RAD51B: variants seen among roughly 807,000 people sequenced by gnomAD.
RAD51B encodes the protein RAD51 paralog B.
A neutral mutation model predicts 42.2 loss-of-function variants in RAD51B; 38 were observed. The observed-to-expected ratio is 0.90, with a 90% CI of 0.70 to 1.18. The LOEUF (loss-of-function observed/expected upper bound fraction) is 1.18, where lower values mean the gene tolerates loss of function less well. Ranked by LOEUF, RAD51B falls within the 50% of genes most tolerant of loss-of-function variation. RAD51B has a pLI of 0.00. For synonymous variants in RAD51B, 154 were observed against 145.2 expected (o/e 1.06, Z -0.43); for missense variants, 373 against 400.7 (o/e 0.93, Z 0.59).
chr14:68,370,674 G>A (rs1286576727), intron 8 of RAD51B, among the ~76,000 whole-genome samples: 1 of 152,158 alleles, frequency 6.6e-6, no homozygotes, highest in Non-Finnish European at 1.5e-5. Context: ...GGGATGGCAA[G>A]TGGTCAGATT....
chr14:68,630,772 C>G (rs1566959776), intron 10 of RAD51B, among the ~76,000 whole-genome samples: 1 of 152,168 alleles, frequency 6.6e-6, no homozygotes, highest in African/African-American at 2.4e-5. Flanking sequence ...ATTCCAACCC[C>G]TTGAACCAAC....
rs114601930 is a variant in RAD51B, at chr14:68,213,527, A to G, written c.757-78357A>G. Reference sequence around the variant, plus strand: ...AAAATAGTATGTTAAGTCTTGAAGGAGGAAGCTTAGGTTGATAGCAAGTAA... The same window carrying G: ...AAAATAGTATGTTAAGTCTTGAAGGGGGAAGCTTAGGTTGATAGCAAGTAA... On this transcript the variant is annotated intron_variant, in intron 7 of 10. Coordinates refer to ENST00000471583, the MANE Select transcript of RAD51B (RefSeq NM_133510.4). Among the ~76,000 whole-genome samples the G allele has an allele frequency of 7.5e-3, 1,138 of 152,360 alleles. 12 individuals are homozygous for G. Among genetic ancestry groups the G allele is most frequent in the African/African-American group, 0.026 (1,077 of 41,578 alleles).
At chr14:67,874,818 A>G (rs1418208534) in intron 5 of RAD51B, among the ~76,000 whole-genome samples, 1 of 152,198 alleles carries the variant, frequency 6.6e-6, no homozygotes, top group Non-Finnish European at 1.5e-5. Flanking sequence ...GGCAACCATG[A>G]GAATTCCAGT....
At position 68,484,349 on chromosome 14, in the gene RAD51B, C is replaced by CTTTCTT. The variant is rs1260254992; in HGVS notation, c.1036+16109_1036+16114dup. On this transcript the variant is annotated intron_variant, in intron 10 of 10. Transcript: ENST00000487270. ...CTTTTAGTTACAGTTGGGCTATTTT[C>CTTTCTT]TTTCTTTTTCTTTTTTTTTTTTTTT... 1.4e-4 allele frequency among the ~76,000 whole-genome samples: 17 copies of CTTTCTT among 125,004 alleles called. 1 individual carries two copies. Among genetic ancestry groups the CTTTCTT allele is most frequent in the African/African-American group, 6.2e-4 (17 of 27,446 alleles). 82.0% of individuals were successfully genotyped at this position (125,004 alleles called of 152,430 possible). A position where few individuals can be genotyped will look rare whatever the true frequency, so the allele number is the denominator to read the frequency against.
intron 7 of RAD51B, among the ~76,000 whole-genome samples, chr14:67,925,481 C>G (rs544403007): frequency 1.1e-3 from 171 of 152,242 alleles, no homozygotes; most frequent in African/African-American, 3.7e-3. Flanking sequence ...CCATATTGGC[C>G]AGGTTGGTCT....
At chr14:68,047,943 C>G (rs892689070) in intron 7 of RAD51B, among the ~76,000 whole-genome samples, 2 of 151,938 alleles carry the variant, frequency 1.3e-5, no homozygotes, top group African/African-American at 4.8e-5. Context: ...GAAATGTTAT[C>G]TAGTGTTTAG....
intron 7 of RAD51B, among the ~76,000 whole-genome samples, chr14:68,162,534 C>T (rs1419537020): frequency 1.3e-5 from 2 of 152,174 alleles, no homozygotes; most frequent in Non-Finnish European, 2.9e-5. Context: ...GCCAGTAATA[C>T]TAGCACTTTG....
chr14:67,833,914 T>TG (rs1358257052), intron 3 of RAD51B, among the ~76,000 whole-genome samples: 29 of 152,348 alleles, frequency 1.9e-4, no homozygotes, highest in Admixed American at 1.2e-3. Context: ...TCTCCCAGCT[T>TG]CAAGCTGTTC....
intron 7 of RAD51B, among the ~76,000 whole-genome samples, chr14:68,048,187 GT>G (rs1440924271): frequency 6.6e-6 from 1 of 152,162 alleles, no homozygotes; most frequent in Non-Finnish European, 1.5e-5. Context: ...ATAGAACTGA[GT>G]CAGTGATGAT....
At chr14:68,292,650 A>G (rs1033598601) in intron 8 of RAD51B, among the ~76,000 whole-genome samples, 2 of 152,200 alleles carry the variant, frequency 1.3e-5, no homozygotes, top group African/African-American at 4.8e-5. Context: ...CTGGGTAGAC[A>G]TGCATAGCTC....
chr14:67,964,690 G>C (rs1373780832), intron 7 of RAD51B, among the ~76,000 whole-genome samples: 1 of 152,060 alleles, frequency 6.6e-6, no homozygotes, highest in Non-Finnish European at 1.5e-5. Context: ...GCAGGTTTTA[G>C]AATGTTAAGT....
chr14:68,041,562 T>TC (rs2076217857), intron 7 of RAD51B, among the ~76,000 whole-genome samples: 1 of 151,826 alleles, frequency 6.6e-6, no homozygotes, highest in South Asian at 2.1e-4. Flanking sequence ...ATTTATACTC[T>TC]CTTTTTTTTT....
At chr14:68,444,073 T>C (rs917948663) in intron 9 of RAD51B, among the ~76,000 whole-genome samples, 2 of 152,230 alleles carry the variant, frequency 1.3e-5, no homozygotes, top group Non-Finnish European at 2.9e-5. Flanking sequence ...TTCATGATTC[T>C]ATCTCTTACA....
chr14:68,227,644 C>T lies in RAD51B; in HGVS notation c.757-64240C>T, dbSNP rs895000783. Among the ~76,000 whole-genome samples, 6 of 152,230 alleles carry T rather than the reference C, an allele frequency of 3.9e-5. No individual in the cohort carries two copies. The South Asian group carries it at 1.2e-3, about 32-fold the overall frequency. ...CTTCAGCCCAGTTTTGAGACCAAAC[C>T]CCTCCCAGGTCTTTTTAAATTGTGC... On this transcript the variant is annotated intron_variant, in intron 7 of 10. Coordinates refer to ENST00000471583, the MANE Select transcript of RAD51B (RefSeq NM_133510.4).
chr14:68,227,190 G>A (rs1004645996), intron 7 of RAD51B, among the ~76,000 whole-genome samples: 1 of 152,154 alleles, frequency 6.6e-6, no homozygotes, highest in African/African-American at 2.4e-5. Flanking sequence ...GTCACTTCTG[G>A]CTTTGCCTAA....
intron 10 of RAD51B, among the ~76,000 whole-genome samples, chr14:68,578,645 G>T (rs143926931): frequency 6.6e-5 from 10 of 152,134 alleles, no homozygotes; most frequent in Non-Finnish European, 1.2e-4. Context: ...CAGGCAAAGG[G>T]CCCTTATAAT....
intron 7 of RAD51B, among the ~76,000 whole-genome samples, chr14:68,272,498 C>T (rs539049291): frequency 6.6e-6 from 1 of 150,400 alleles, no homozygotes; most frequent in East Asian, 2.0e-4. Context: ...TGATCCTATA[C>T]CTTAGGGCTT....
At chr14:68,139,999 G>T (rs1358278835) in intron 7 of RAD51B, among the ~76,000 whole-genome samples, 1 of 152,134 alleles carries the variant, frequency 6.6e-6, no homozygotes, top group Non-Finnish European at 1.5e-5. Flanking sequence ...GCTAATTTGG[G>T]GAGCAGCAGG....
intron 7 of RAD51B, among the ~76,000 whole-genome samples, chr14:67,892,905 C>T (rs2043261808): frequency 6.6e-6 from 1 of 152,234 alleles, no homozygotes; most frequent in Non-Finnish European, 1.5e-5. Context: ...TGGGAGAGGA[C>T]ACCTGGAATC....
Sources: allele counts gnomAD v4.1 joint callset (sites outside exome capture counted in the v4.1 genomes callset), GRCh38; gene constraint gnomAD v4.1.1; transcripts MANE v1.5; gene names NCBI Gene and HGNC (gene_info 2026-07-23, HGNC 2026-07-21).